KCNQ1: variants seen among roughly 807,000 people sequenced by gnomAD.
KCNQ1 encodes the protein potassium voltage-gated channel subfamily Q member 1.
KCNQ1 carries 49 observed loss-of-function variants against 72.4 expected under a neutral mutation model. The ratio of observed to expected loss-of-function variants is 0.68; its 90% CI spans 0.54 to 0.86. KCNQ1 has a LOEUF of 0.86. Among genes scored for constraint, KCNQ1 ranks in the 40% least tolerant of loss-of-function variants. KCNQ1 has a pLI of 0.00. For missense variants in KCNQ1, 790 were observed against 945.1 expected (o/e 0.84, Z 2.15); for synonymous variants, 450 against 412.6 (o/e 1.09, Z -1.10).
intron 11 of KCNQ1, among the ~76,000 whole-genome samples, chr11:2,742,860 C>T (rs1157145127): frequency 6.6e-6 from 1 of 152,206 alleles, no homozygotes; most frequent in Non-Finnish European, 1.5e-5. Context: ...CAGGCAGACC[C>T]ACAGGAAATC....
chr11:2,599,564 A>C lies in KCNQ1; in HGVS notation c.1393+10710A>C, dbSNP rs1848772889. ...GATGTATTAGTTTGCTAGGACTGCCATAACAAAATACCACAGGCTGGGTGG... is the reference window on the plus strand; with the variant it reads ...GATGTATTAGTTTGCTAGGACTGCCCTAACAAAATACCACAGGCTGGGTGG... On this transcript the variant is annotated intron_variant, in intron 10 of 15. Coordinates refer to ENST00000155840, the MANE Select transcript of KCNQ1 (RefSeq NM_000218.3). This position sits in a 1 kb window ranked among gnomAD's most constrained non-coding sequence, Gnocchi z 4.7. Among the ~76,000 whole-genome samples, 1 of 152,380 alleles carries C rather than the reference A, an allele frequency of 6.6e-6. No homozygotes were observed. The highest frequency in any genetic ancestry group is 2.4e-5 in the African/African-American group (1 of 41,598).
intron 2 of KCNQ1, among the ~76,000 whole-genome samples, chr11:2,528,560 C>A (rs1262211984): frequency 6.6e-6 from 1 of 152,210 alleles, no homozygotes; most frequent in African/African-American, 2.4e-5. Flanking sequence ...CAAAGTTGAT[C>A]TGGCCGTGAG....
rs903841739 is a variant in KCNQ1 at position 2,450,019 on chromosome 11, T to G, written c.386+4535T>G. Among the ~76,000 whole-genome samples the G allele has an allele frequency of 6.6e-6, 1 of 152,184 alleles. No homozygotes were observed. The highest frequency in any genetic ancestry group is 2.4e-5 in the African/African-American group (1 of 41,452). On this transcript the variant is annotated intron_variant, in intron 1 of 15. Coordinates refer to ENST00000155840, the MANE Select transcript of KCNQ1 (RefSeq NM_000218.3). This position sits in a 1 kb window ranked among gnomAD's most constrained non-coding sequence, Gnocchi z 7.9. ...CCGGTCCCTGTAGCCAAGGTGCAGA[T>G]GCACACGTCCTGGTCCTGAGCCCCT...
At position 2,452,317 on chromosome 11, in the gene KCNQ1, C is replaced by G. The variant is rs186928241; in HGVS notation, c.386+6833C>G. ...AGCAGCTGGACAGGGACCCCCACCC[C>G]TGTACTCCCTTCGGCCCTGGAATGC... is the stretch of plus-strand genomic sequence containing the variant. On this transcript the variant is annotated intron_variant, in intron 1 of 15. Transcript: ENST00000155840. 5.9e-3 allele frequency among the ~76,000 whole-genome samples: 894 copies of G among 152,282 alleles called. 5 individuals carry two copies. Among genetic ancestry groups the G allele is most frequent in the Middle Eastern group, 0.024 (7 of 294 alleles).
intron 11 of KCNQ1, among the ~76,000 whole-genome samples, chr11:2,706,075 C>A (rs1396709155): frequency 6.6e-6 from 1 of 152,228 alleles, no homozygotes; most frequent in Non-Finnish European, 1.5e-5. Flanking sequence ...GGAAACCTAC[C>A]TGGGGTACCG....
In KCNQ1 at chr11:2,453,724, C is replaced by G. The variant is rs563143875; in HGVS notation, c.386+8240C>G. 9.8e-5 allele frequency among the ~76,000 whole-genome samples: 15 copies of G among 152,300 alleles called. No homozygotes were observed. In the South Asian group the frequency reaches 3.1e-3, roughly 32 times the overall value. ...ATCTAGCAAAACTGTCTTCACTGAC[C>G]TGTGACCCAGCAACCCCCTCCCCAG... On this transcript the variant is annotated intron_variant, in intron 1 of 15. Transcript: ENST00000155840.
In KCNQ1 at chr11:2,699,502, TGAGGAGCCCCCAGGAGAGTGCCGC is replaced by T. The variant is rs1205178083; in HGVS notation, c.1514+37423_1514+37446del. 3.5e-5 allele frequency: 6 copies of T among 171,878 alleles called. No individual in the cohort carries two copies. In the East Asian group the frequency reaches 5.4e-3, roughly 156 times the overall value. 10.6% of individuals were successfully genotyped at this position (171,878 alleles called of 1,614,324 possible). On this transcript the variant is annotated intron_variant, in intron 11 of 15. Coordinates refer to ENST00000155840, the MANE Select transcript of KCNQ1 (RefSeq NM_000218.3). ...GGAGCCCCCGGGGAGAGTGCCGCGC[TGAGGAGCCCCCAGGAGAGTGCCGC>T]GCTGAGGAGGCCCAGGGAGGACCGC... is the stretch of plus-strand genomic sequence containing the variant.
intron 1 of KCNQ1, among the ~76,000 whole-genome samples, chr11:2,485,368 AC>A (rs1369066834): frequency 3.2e-5 from 1 of 31,104 alleles, no homozygotes; most frequent in Non-Finnish European, 6.6e-5. Context: ...TCCATCCCCC[AC>A]CCCCCCACCC....
Position 2,601,086 on chromosome 11 carries a change from A to AAG in KCNQ1, c.1393+12233_1393+12234insGA, listed in dbSNP as rs202046637. Reference sequence around the variant, plus strand: ...CCATGCATATACCCTGCTACTTGTTAAAAAAAAAAAAAAAGTCTCTCCAGA... The same window carrying AAG: ...CCATGCATATACCCTGCTACTTGTTAAGAAAAAAAAAAAAAAGTCTCTCCAGA... On this transcript the variant is annotated intron_variant, in intron 10 of 15. Transcript: ENST00000155840. This position sits in a 1 kb window ranked among gnomAD's most constrained non-coding sequence, Gnocchi z 5.2. 9.2e-6 allele frequency among the ~76,000 whole-genome samples: 1 copy of AAG among 108,134 alleles called. No individual in the cohort carries two copies. The highest frequency in any genetic ancestry group is 6.2e-5 in the African/African-American group (1 of 16,030). The allele number at this position is 108,134 out of a possible 152,430, so 70.9% of individuals were successfully genotyped here.
At position 2,617,710 on chromosome 11, in the gene KCNQ1, A is replaced by G; in HGVS notation, c.1393+28856A>G. ...TACAAGAGTTCCCTAACCCTAGCCA[A>G]CACTTAATAGCTATTCTCATGAGTG... On this transcript the variant is annotated intron_variant, in intron 10 of 15. Transcript: ENST00000155840. The surrounding 1 kb of genome is among the most constrained non-coding windows in gnomAD (Gnocchi z 4.6). 1 of 398,416 alleles carries G rather than the reference A, an allele frequency of 2.5e-6. No homozygotes were observed. The highest frequency in any genetic ancestry group is 4.4e-6 in the Non-Finnish European group (1 of 225,936). The allele number at this position is 398,416 out of a possible 1,614,324, so 24.7% of individuals were successfully genotyped here.
rs1014015338 is a variant in KCNQ1 at position 2,558,579 on chromosome 11, G to A, written c.478-12049G>A. On this transcript the variant is annotated intron_variant, in intron 2 of 15. Transcript: ENST00000155840. ...CAGGTGGCTGCTGCGCCCTGTGTCC[G>A]CCTCCTGACCTTGAGAACACCCAGG... Among the ~76,000 whole-genome samples, 7 of 152,312 alleles carry A rather than the reference G, an allele frequency of 4.6e-5. No individual in the cohort carries two copies. The East Asian group carries it at 7.7e-4, about 17-fold the overall frequency.
intron 11 of KCNQ1, chr11:2,692,609 G>C: frequency 2.5e-6 from 1 of 398,706 alleles, no homozygotes; most frequent in Admixed American, 4.4e-5. Context: ...GTGGGTTCCT[G>C]CTATACACCT....
At chr11:2,580,718 C>G (rs1465402981) in intron 6 of KCNQ1, among the ~76,000 whole-genome samples, 1 of 152,200 alleles carries the variant, frequency 6.6e-6, no homozygotes, top group African/African-American at 2.4e-5. Flanking sequence ...GCCCTTCAAC[C>G]CTGCTTCTCA....
rs1846588973 is a variant in KCNQ1, at chr11:2,477,503, C to CT, written c.386+32020dup. ...ACAAAGTGATCTCTCTGCTGCCTCA[C>CT]TAGCAGAGAGAAAAGAAAACTACAG... On this transcript the variant is annotated intron_variant, in intron 1 of 15. Transcript: ENST00000155840. This position sits in a 1 kb window ranked among gnomAD's most constrained non-coding sequence, Gnocchi z 5.0. Among the ~76,000 whole-genome samples the CT allele has an allele frequency of 6.6e-6, 1 of 152,128 alleles. No individual in the cohort carries two copies. Among genetic ancestry groups the CT allele is most frequent in the Non-Finnish European group, 1.5e-5 (1 of 68,028 alleles).
intron 11 of KCNQ1, chr11:2,672,060 C>T (rs775938555): frequency 1.2e-4 from 49 of 398,616 alleles, no homozygotes; most frequent in Non-Finnish European, 1.9e-4. Flanking sequence ...CCAGTATCCT[C>T]CCCTGGTCCC....
intron 11 of KCNQ1, chr11:2,688,141 G>A: frequency 2.5e-6 from 1 of 398,804 alleles, no homozygotes; most frequent in Non-Finnish European, 4.4e-6. Context: ...GAGGTGGAGA[G>A]ACCCCACGCA....
intron 1 of KCNQ1, among the ~76,000 whole-genome samples, chr11:2,456,736 A>G (rs937519205): frequency 7.0e-6 from 1 of 142,644 alleles, no homozygotes; most frequent in African/African-American, 2.7e-5. Flanking sequence ...CCTGGCTAAC[A>G]TGGTGAAACC....
rs1476759000 is a variant in KCNQ1, at chr11:2,579,652, G to T, written c.922-3783G>T. 1.3e-5 allele frequency among the ~76,000 whole-genome samples: 2 copies of T among 152,202 alleles called. No homozygotes were observed. Among genetic ancestry groups the T allele is most frequent in the African/African-American group, 4.8e-5 (2 of 41,454 alleles). ...GGGCAGACAGGCAGACCAGGCGAAG[G>T]TGGGGTCCTGGAGCTGCGTCCTGCT... On this transcript the variant is annotated intron_variant, in intron 6 of 15. Transcript: ENST00000155840. The surrounding 1 kb of genome is among the most constrained non-coding windows in gnomAD (Gnocchi z 6.0).
At chr11:2,522,268 G>C (rs11023179) in intron 1 of KCNQ1, among the ~76,000 whole-genome samples, 79,596 of 146,818 alleles carry the variant, frequency 0.54, 22,042 homozygotes, top group Non-Finnish European at 0.63. Context: ...GACCACATGA[G>C]CTGGGGGGGG....
Sources: allele counts gnomAD v4.1 joint callset (sites outside exome capture counted in the v4.1 genomes callset), GRCh38; gene constraint gnomAD v4.1.1; non-coding constraint Gnocchi (gnomAD v3.1); transcripts MANE v1.5; gene names NCBI Gene and HGNC (gene_info 2026-07-23, HGNC 2026-07-21).